Variants in UXS1 observed in about 807,000 individuals in gnomAD.
The protein encoded by UXS1 is UDP-glucuronic acid decarboxylase 1.
UXS1 carries 33 observed loss-of-function variants against 62.6 expected under a neutral mutation model. The observed-to-expected ratio is 0.53, with a 90% confidence interval of 0.40 to 0.70. UXS1 has a LOEUF of 0.70. Ranked by LOEUF, UXS1 falls within the 30% of genes least tolerant of loss-of-function variation. UXS1 has a pLI of 0.00. For synonymous variants in UXS1, 213 were observed against 206.8 expected (o/e 1.03, Z -0.26); for missense variants, 434 against 556.3 (o/e 0.78, Z 2.21).
chr2:106,103,402 C>T lies in UXS1; in HGVS notation c.923+1392G>A, dbSNP rs376455597. 8.5e-5 allele frequency among the ~76,000 whole-genome samples: 13 copies of T among 152,258 alleles called. No homozygotes were observed. The East Asian group carries it at 1.4e-3, about 16-fold the overall frequency. On this transcript the variant is annotated intron_variant, in intron 11 of 14. Coordinates refer to ENST00000283148, the MANE Select transcript of UXS1 (RefSeq NM_001253875.2). ...GCAGCCCGAGGCAGGCACACATAACCGAGGACAGCAAGACTCCCTCAGAAA... is the reference window on the plus strand; with the variant it reads ...GCAGCCCGAGGCAGGCACACATAACTGAGGACAGCAAGACTCCCTCAGAAA...
chr2:106,182,501 G>GC (rs1684310514), intron 1 of UXS1, among the ~76,000 whole-genome samples: 1 of 152,016 alleles, frequency 6.6e-6, no homozygotes, highest in South Asian at 2.1e-4. Context: ...TTTCAAATGG[G>GC]AGCTTAAAAA....
Position 106,093,816 on chromosome 2 carries a change from G to T in UXS1, c.*210C>A. On this transcript the variant is annotated 3_prime_UTR_variant, in exon 15 of 15. Coordinates refer to ENST00000283148, the MANE Select transcript of UXS1 (RefSeq NM_001253875.2). Reference sequence around the variant, plus strand: ...GCATCTACGCTATTTTACATAAAAAGAGAGATTCAAAAAGTGCAAGGCAAA... The same window carrying T: ...GCATCTACGCTATTTTACATAAAAATAGAGATTCAAAAAGTGCAAGGCAAA... The T allele has an allele frequency of 1.8e-6, 1 of 563,472 alleles. No individual in the cohort carries two copies. Among genetic ancestry groups the T allele is most frequent in the South Asian group, 3.8e-5 (1 of 26,508 alleles). 34.9% of individuals were successfully genotyped at this position (563,472 alleles called of 1,614,324 possible). A position where few individuals can be genotyped will look rare whatever the true frequency, so the allele number is the denominator to read the frequency against.
chr2:106,138,080 GA>G lies in UXS1; in HGVS notation c.472+7109del, dbSNP rs943225985. 141 of 711,538 alleles carry G rather than the reference GA, an allele frequency of 2.0e-4. No homozygotes were observed. The African/African-American group carries it at 2.5e-3, about 13-fold the overall frequency. The allele number at this position is 711,538 out of a possible 1,614,324, so 44.1% of individuals were successfully genotyped here. ...TGACAAGGTATGCAGGGAAAGACAG[GA>G]AACTGCATTAAAGGCTAAGAGGGAA... On this transcript the variant is annotated intron_variant, in intron 6 of 14. Coordinates refer to ENST00000283148, the MANE Select transcript of UXS1 (RefSeq NM_001253875.2).
Position 106,145,386 on chromosome 2 carries a change from G to C in UXS1, c.292-16C>G, listed in dbSNP as rs760086885. 1 of 1,605,368 alleles carries C rather than the reference G, an allele frequency of 6.2e-7. No homozygotes were observed. The highest frequency in any genetic ancestry group is 8.5e-7 in the Non-Finnish European group (1 of 1,175,370). On this transcript the variant is annotated splice_polypyrimidine_tract_variant and intron_variant, in intron 5 of 14. Transcript: ENST00000283148. ...CTCCTGTTATCTGCATCCGGACAGC[G>C]TGTGCAGAGCATTCCCAGAAAAAGC...
intron 6 of UXS1, among the ~76,000 whole-genome samples, chr2:106,144,855 T>C (rs1487744812): frequency 6.6e-6 from 1 of 152,130 alleles, no homozygotes; most frequent in Non-Finnish European, 1.5e-5. Context: ...CCTAATACCA[T>C]CACTGTGGGG....
intron 1 of UXS1, among the ~76,000 whole-genome samples, chr2:106,191,713 T>C (rs529835609): frequency 6.6e-6 from 1 of 152,364 alleles, no homozygotes; most frequent in East Asian, 1.9e-4. Flanking sequence ...GCAGGACCTC[T>C]GCACACACTG....
chr2:106,126,000 T>C, intron 7 of UXS1, among the ~76,000 whole-genome samples: 1 of 152,144 alleles, frequency 6.6e-6, no homozygotes, highest in Admixed American at 6.5e-5. Flanking sequence ...CATATTTTAC[T>C]GGGTAACTTT....
At chr2:106,136,965 C>CAAAAAAAAAAAAA (rs397701050) in intron 6 of UXS1, among the ~76,000 whole-genome samples, 18 of 54,130 alleles carry the variant, frequency 3.3e-4, no homozygotes, top group East Asian at 5.8e-4. Flanking sequence ...AGAACACACA[C>CAAAAAAAAAAAAA]AAAAAAAAAA....
chr2:106,175,741 A>G (rs756013316), intron 1 of UXS1, among the ~76,000 whole-genome samples: 1 of 152,188 alleles, frequency 6.6e-6, no homozygotes, highest in African/African-American at 2.4e-5. Context: ...CTGCCAGTGA[A>G]GAAGCCCCCT....
chr2:106,128,537 C>T (rs1487779175), intron 7 of UXS1, among the ~76,000 whole-genome samples: 1 of 152,174 alleles, frequency 6.6e-6, no homozygotes, highest in Non-Finnish European at 1.5e-5. Context: ...GACTAGAACA[C>T]AAAGATGGAG....
chr2:106,144,948 A>G (rs1238586500), intron 6 of UXS1, among the ~76,000 whole-genome samples: 2 of 152,208 alleles, frequency 1.3e-5, no homozygotes, highest in Admixed American at 6.5e-5. Flanking sequence ...TTACTTCAAC[A>G]GGTCCATGAA....
At chr2:106,157,982 T>G in intron 5 of UXS1, 76 bp downstream of exon 5, 13 of 1,258,508 alleles carry the variant, frequency 1.0e-5, no homozygotes, top group Non-Finnish European at 1.4e-5. Context: ...GTGAATTCTA[T>G]GATATGTGAA....
At chr2:106,145,424 A>G in intron 5 of UXS1, 54 bp from the exon 6 acceptor site, 2 of 1,539,218 alleles carry the variant, frequency 1.3e-6, no homozygotes, top group Non-Finnish European at 1.8e-6. Flanking sequence ...ATGAGAACAC[A>G]GTGAGGACCA....
At chr2:106,146,762 G>A (rs1175328512) in intron 5 of UXS1, among the ~76,000 whole-genome samples, 1 of 79,422 alleles carries the variant, frequency 1.3e-5, no homozygotes, top group Non-Finnish European at 2.3e-5. Context: ...TGACAGAGAA[G>A]ACTCCATCTC....
chr2:106,190,620 G>A (rs942850207), intron 1 of UXS1, among the ~76,000 whole-genome samples: 5 of 151,890 alleles, frequency 3.3e-5, no homozygotes, highest in Non-Finnish European at 7.4e-5. Context: ...GCGCATGCCT[G>A]TAATCCCAGC....
rs1338159584 is a variant in UXS1, at chr2:106,164,670, G to A, written c.186+66C>T. The A allele has an allele frequency of 1.8e-5, 23 of 1,248,926 alleles. No individual in the cohort carries two copies. In the East Asian group the frequency reaches 3.4e-4, roughly 18 times the overall value. The allele number at this position is 1,248,926 out of a possible 1,614,324, so 77.4% of individuals were successfully genotyped here. On this transcript the variant is annotated intron_variant, in intron 3 of 14. Transcript: ENST00000283148. ...GCTGCCACAATAAGAATGACAGCAC[G>A]AGCAAAGGAAGTAAAATTGACAAGT...
chr2:106,154,675 G>T (rs1405819450), intron 5 of UXS1, among the ~76,000 whole-genome samples: 2 of 152,186 alleles, frequency 1.3e-5, no homozygotes, highest in African/African-American at 4.8e-5. Context: ...TTAAATTTAT[G>T]TTGTTTTAAA....
rs1441511734 is a variant in UXS1 at position 106,096,789 on chromosome 2, C to T, written c.1075G>A (p.Ala359Thr). The T allele has an allele frequency of 6.3e-7, 1 of 1,592,510 alleles. No homozygotes were observed. Among genetic ancestry groups the T allele is most frequent in the African/African-American group, 1.3e-5 (1 of 74,660 alleles). The change falls in exon 14 of 15, where the codon GCC (alanine) becomes ACC (threonine). Residue 359 changes from alanine to threonine, a missense_variant. Around this residue, in one of 3 missense-constraint regions of UXS1, gnomAD observed 209 missense variants for 233.3 expected, o/e 0.90. Coordinates refer to ENST00000283148, the MANE Select transcript of UXS1 (RefSeq NM_001253875.2). ...TTTCTTTTCTGTGGGTCATCCTGGGCTTCGGAGAGAAACTGAATTTCACTT... is the reference window on the plus strand; with the variant it reads ...TTTCTTTTCTGTGGGTCATCCTGGGTTTCGGAGAGAAACTGAATTTCACTT... ...SGSEIQFLSE[A>T]QDDPQKRKPD...
At chr2:106,176,705 C>T (rs1683903362) in intron 1 of UXS1, among the ~76,000 whole-genome samples, 1 of 152,224 alleles carries the variant, frequency 6.6e-6, no homozygotes, top group African/African-American at 2.4e-5. Context: ...AGCGGTTACA[C>T]AGGATGAAAA....
Sources: gnomAD v4.1 joint callset for allele counts (sites outside exome capture counted in the v4.1 genomes callset) on GRCh38, gnomAD v4.1.1 for gene constraint, gnomAD v4.1.1 regional missense constraint, MANE v1.5 for transcripts, NCBI Gene and HGNC (gene_info 2026-07-23, HGNC 2026-07-21) for gene names.